The following PLEKHA6 variants were observed in gnomAD, a reference collection of about 807,000 sequenced individuals.
PLEKHA6 encodes the protein pleckstrin homology domain containing A6.
In PLEKHA6, 60 loss-of-function variants were observed where a neutral mutation model predicts 116.7. That is an observed-to-expected ratio of 0.51 (90% confidence interval 0.42 to 0.64). The LOEUF (loss-of-function observed/expected upper bound fraction) is 0.64. Among genes scored for constraint, PLEKHA6 ranks in the 30% least tolerant of loss-of-function variants. The pLI, the probability that PLEKHA6 is intolerant of heterozygous loss-of-function variation, is 0.00. For missense variants in PLEKHA6, 1,338 were observed against 1,422.7 expected (o/e 0.94, Z 0.96); for synonymous variants, 489 against 556.1 (o/e 0.88, Z 1.70).
intron 1 of PLEKHA6, among the ~76,000 whole-genome samples, chr1:204,339,132 G>C (rs545569994): frequency 2.0e-5 from 3 of 152,208 alleles, no homozygotes; most frequent in African/African-American, 7.2e-5. Context: ...TCCAAGCCAC[G>C]TGGAGAGGCC....
At chr1:204,313,546 C>G (rs1671743046) in intron 1 of PLEKHA6, 1 of 984,206 alleles carries the variant, frequency 1.0e-6, no homozygotes, top group African/African-American at 1.7e-5. Context: ...AAGAAAGAAG[C>G]TGACCTTGAG....
At chr1:204,354,187 A>G (rs1012872286) in intron 1 of PLEKHA6, among the ~76,000 whole-genome samples, 5 of 152,182 alleles carry the variant, frequency 3.3e-5, no homozygotes, top group African/African-American at 1.2e-4. Context: ...TCCTCCTTAA[A>G]GAGGGCCCTA....
In PLEKHA6 at chr1:204,220,200, T is replaced by A. The variant is rs1001061079; in HGVS notation, c.*2588A>T. On this transcript the variant is annotated 3_prime_UTR_variant, in exon 23 of 23. Coordinates refer to ENST00000272203, the MANE Select transcript of PLEKHA6 (RefSeq NM_014935.5). ...TTTCCAGCAGGCTGATGAAGAGGGGTAGTCTAGCAGCCCATCTGGGGTGCA... is the reference window on the plus strand; with the variant it reads ...TTTCCAGCAGGCTGATGAAGAGGGGAAGTCTAGCAGCCCATCTGGGGTGCA... The A allele has an allele frequency of 6.6e-6, 1 of 152,208 alleles. No homozygotes were observed. The highest frequency in any genetic ancestry group is 1.5e-5 in the Non-Finnish European group (1 of 68,084). 9.4% of individuals were successfully genotyped at this position (152,208 alleles called of 1,614,324 possible).
At chr1:204,371,053 CA>C (rs34493461) in intron 2 of PLEKHA6, among the ~76,000 whole-genome samples, 10,711 of 68,658 alleles carry the variant, frequency 0.16, 273 homozygotes, top group Non-Finnish European at 0.19. Flanking sequence ...GACTCTGCCT[CA>C]AAAAAAAAAA....
chr1:204,271,282 A>C (rs1408712953), intron 3 of PLEKHA6, among the ~76,000 whole-genome samples: 3 of 152,156 alleles, frequency 2.0e-5, no homozygotes, highest in African/African-American at 7.2e-5. Context: ...CTTCCATTGC[A>C]CCATGAGCTC....
At chr1:204,242,753 G>A (rs968540278) in intron 15 of PLEKHA6, among the ~76,000 whole-genome samples, 3 of 152,170 alleles carry the variant, frequency 2.0e-5, no homozygotes, top group African/African-American at 7.2e-5. Context: ...ATGGGCACAC[G>A]AAGGGATCGG....
chr1:204,375,142 G>T (rs1673844411), intron 1 of PLEKHA6, among the ~76,000 whole-genome samples: 1 of 151,806 alleles, frequency 6.6e-6, no homozygotes, highest in Non-Finnish European at 1.5e-5. Context: ...CTTGACACTG[G>T]TGCTGCCTGG....
Position 204,228,352 on chromosome 1 carries a change from C to G in PLEKHA6, c.2886-124G>C. Reference sequence around the variant, plus strand: ...CCCGTGAATGTGCAGTCTCTGGTTCCCAGCAAGGCTGTCCCTAGGAGTGAG... The same window carrying G: ...CCCGTGAATGTGCAGTCTCTGGTTCGCAGCAAGGCTGTCCCTAGGAGTGAG... On this transcript the variant is annotated intron_variant, in intron 20 of 22. Coordinates refer to ENST00000272203, the MANE Select transcript of PLEKHA6 (RefSeq NM_014935.5). This position sits in a 1 kb window ranked among gnomAD's most constrained non-coding sequence, Gnocchi z 4.0. 1 of 957,072 alleles carries G rather than the reference C, an allele frequency of 1.0e-6. No individual in the cohort carries two copies. Among genetic ancestry groups the G allele is most frequent in the Non-Finnish European group, 1.6e-6 (1 of 635,552 alleles). 59.3% of individuals were successfully genotyped at this position (957,072 alleles called of 1,614,324 possible).
At chr1:204,328,042 TTTATTTTATTTATTTA>T (rs1175052521) in intron 1 of PLEKHA6, among the ~76,000 whole-genome samples, 8 of 134,568 alleles carry the variant, frequency 5.9e-5, no homozygotes, top group Admixed American at 1.6e-4. Flanking sequence ...GCTGCTTTTA[TTTATTTTATTTATTTA>T]TTTATTTATT....
At chr1:204,333,414 T>C (rs1338759766) in intron 1 of PLEKHA6, among the ~76,000 whole-genome samples, 2 of 152,226 alleles carry the variant, frequency 1.3e-5, no homozygotes, top group Non-Finnish European at 2.9e-5. Flanking sequence ...AGGACTCCAG[T>C]TCTCTGCCTC....
upstream of PLEKHA6, among the ~76,000 whole-genome samples, chr1:204,361,507 C>A (rs547922829): frequency 6.6e-6 from 1 of 152,230 alleles, no homozygotes; most frequent in Non-Finnish European, 1.5e-5. Context: ...GCAGGCCAGG[C>A]TGGAGCCAGG....
At chr1:204,347,337 T>A (rs1380388781) in intron 1 of PLEKHA6, 15 of 694,004 alleles carry the variant, frequency 2.2e-5, no homozygotes, top group Non-Finnish European at 3.9e-5. Context: ...TATGGCTCTG[T>A]TCTGCCTGGC....
intron 9 of PLEKHA6, chr1:204,251,436 G>A (rs1664542991): frequency 1.6e-6 from 1 of 643,216 alleles, no homozygotes; most frequent in Non-Finnish European, 2.8e-6. Flanking sequence ...GAGCGGGTTG[G>A]GTGGCGTGAG....
In PLEKHA6 at chr1:204,259,189, T is replaced by C. The variant is rs2102756556; in HGVS notation, c.1007+69A>G. On this transcript the variant is annotated intron_variant, in intron 8 of 22. Transcript: ENST00000272203. The surrounding 1 kb of genome is among the most constrained non-coding windows in gnomAD (Gnocchi z 4.6). The stretch of plus-strand genomic sequence containing the variant: ...TTCCAACAGGGGATGCCTCGTGGGC[T>C]ATGACCCCACTCGCACGCTCTAGCC... The C allele has an allele frequency of 2.6e-6, 4 of 1,535,866 alleles. No individual in the cohort carries two copies. The East Asian group carries it at 9.1e-5, about 35-fold the overall frequency.
chr1:204,345,518 T>A (rs1337962158), intron 1 of PLEKHA6, among the ~76,000 whole-genome samples: 4 of 151,664 alleles, frequency 2.6e-5, no homozygotes, highest in Non-Finnish European at 5.9e-5. Context: ...GGTCTCAGGT[T>A]CTCTTCTTCC....
chr1:204,220,958 T>C lies in PLEKHA6; in HGVS notation c.*1830A>G, dbSNP rs1194187602. ...AAGGCCCTGAAAAATCTGTTTCCTG[T>C]GGAGGGAGAAAGGCTTGGGAGAAAG... On this transcript the variant is annotated 3_prime_UTR_variant, in exon 23 of 23. Coordinates refer to ENST00000272203, the MANE Select transcript of PLEKHA6 (RefSeq NM_014935.5). The C allele has an allele frequency of 6.7e-6, 1 of 149,002 alleles. No homozygotes were observed. Among genetic ancestry groups the C allele is most frequent in the African/African-American group, 2.5e-5 (1 of 40,502 alleles). The allele number at this position is 149,002 out of a possible 1,614,324, so 9.2% of individuals were successfully genotyped here.
rs201509011 is a variant in PLEKHA6 at position 204,248,822 on chromosome 1, G to A, written c.1823C>T (p.Thr608Met). The change falls in exon 12 of 23, where the codon ACG (threonine) becomes ATG (methionine). Residue 608 changes from threonine (T) to methionine (M), a missense_variant and splice_region_variant. By Grantham distance (81) the Thr-to-Met change is moderately conservative (BLOSUM62 -1). Around this residue, in one of 3 missense-constraint regions of PLEKHA6, gnomAD observed 1,136 missense variants for 1,163.6 expected, o/e 0.98. Transcript: ENST00000272203. ...CACGAACCCCGCTCCCTGGGTTACC[G>A]TGGTCGCCTGAGACAGCTCCACGCG... is the stretch of plus-strand genomic sequence containing the variant. ...NIRVELSQAT[T>M]ALTNSTIEYE... 54 of 1,613,404 alleles carry A rather than the reference G, an allele frequency of 3.3e-5. No homozygotes were observed. The highest frequency in any genetic ancestry group is 1.3e-4 in the East Asian group (6 of 44,896).
upstream of PLEKHA6, among the ~76,000 whole-genome samples, chr1:204,364,832 A>G (rs1572234155): frequency 6.6e-6 from 1 of 152,180 alleles, no homozygotes; most frequent in East Asian, 1.9e-4. Flanking sequence ...CCGAAACTCT[A>G]GGGGTAGGGC....
chr1:204,307,695 G>A lies in PLEKHA6; in HGVS notation c.-94-32886C>T, dbSNP rs542403798. Among the ~76,000 whole-genome samples, 6 of 152,192 alleles carry A rather than the reference G, an allele frequency of 3.9e-5. No individual in the cohort carries two copies. In the East Asian group the frequency reaches 9.7e-4, roughly 25 times the overall value. On this transcript the variant is annotated intron_variant, in intron 1 of 22. Transcript: ENST00000272203. ...TCGCGTTCCCCTCACTCCCTACCCC[G>A]CCTGCTCATTGGAAACATCAGACAG... is the stretch of plus-strand genomic sequence containing the variant.
Sources: allele counts gnomAD v4.1 joint callset (sites outside exome capture counted in the v4.1 genomes callset), GRCh38; gene constraint gnomAD v4.1.1; regional missense constraint gnomAD v4.1.1; non-coding constraint Gnocchi (gnomAD v3.1); transcripts MANE v1.5; gene names NCBI Gene and HGNC (gene_info 2026-07-23, HGNC 2026-07-21).